Variants in EYS observed in about 807,000 individuals in gnomAD.
EYS encodes the protein protein eyes shut homolog.
EYS carries 250 observed loss-of-function variants against 282.1 expected under a neutral mutation model. That is an observed-to-expected ratio of 0.89 (90% CI 0.80 to 0.98). EYS has a LOEUF of 0.98. EYS is among the 50% of genes least tolerant of loss of function. The probability of loss-of-function intolerance (pLI) is 0.00; values close to 1 mark genes in which losing one functional copy is unlikely to be tolerated. For synonymous variants in EYS, 1,355 were observed against 1,282.9 expected (o/e 1.06, Z -1.20); for missense variants, 4,016 against 3,709.0 (o/e 1.08, Z -2.15).
intron 13 of EYS, among the ~76,000 whole-genome samples, chr6:65,048,286 A>T (rs894120112): frequency 2.0e-5 from 3 of 151,882 alleles, no homozygotes; most frequent in African/African-American, 7.2e-5. Context: ...CAAATATATC[A>T]TCATCAATGA....
In EYS at chr6:63,721,063, T is replaced by C. The variant is rs1010350165; in HGVS notation, c.8968A>G (p.Lys2990Glu). Residue 2990 changes from lysine to glutamate, a missense_variant, in exon 43 of 43, where the codon AAA becomes GAA. Coordinates refer to ENST00000503581, the MANE Select transcript of EYS (RefSeq NM_001142800.2). The part of the protein sequence containing the change: ...TTISLNFSTT[K>E]TEGLIVWMGI... Reference sequence around the variant, plus strand: ...ATCCATACAATTAGACCTTCTGTTTTAGTGGTACTGAAATTTAAGGATATA... The same window carrying C: ...ATCCATACAATTAGACCTTCTGTTTCAGTGGTACTGAAATTTAAGGATATA... 3.2e-6 allele frequency: 5 copies of C among 1,551,232 alleles called. No individual in the cohort carries two copies. The African/African-American group carries it at 6.8e-5, about 21-fold the overall frequency.
chr6:63,946,583 C>T (rs1765403465), intron 35 of EYS, among the ~76,000 whole-genome samples: 1 of 152,002 alleles, frequency 6.6e-6, no homozygotes, highest in Non-Finnish European at 1.5e-5. Flanking sequence ...GTTGACAGAT[C>T]AAGTAAGGTG....
intron 35 of EYS, among the ~76,000 whole-genome samples, chr6:63,898,838 A>G (rs1188482598): frequency 1.3e-5 from 2 of 152,210 alleles, no homozygotes; most frequent in Admixed American, 6.5e-5. Flanking sequence ...GTATATATTG[A>G]TGGAATCATT....
intron 4 of EYS, among the ~76,000 whole-genome samples, chr6:65,494,047 T>C (rs1008189965): frequency 4.6e-5 from 7 of 152,264 alleles, no homozygotes; most frequent in African/African-American, 1.7e-4. Context: ...TATATTATTC[T>C]GATAATCTTA....
In EYS at chr6:64,590,605, C is replaced by A; in HGVS notation, c.5262G>T (p.Pro1754=). ...LDFELNLQIY[P]DVTLKTYSEI... ...CTGAATATGTCTTTAAAGTAACATC[C>A]GGATAAATTTGTAAGTTTAACTCAA... The change falls in exon 26 of 43, where the codon CCG becomes CCT. Residue 1754 remains proline, a synonymous_variant. Coordinates refer to ENST00000503581, the MANE Select transcript of EYS (RefSeq NM_001142800.2). The A allele has an allele frequency of 6.4e-7, 1 of 1,551,204 alleles. No homozygotes were observed. Among genetic ancestry groups the A allele is most frequent in the Non-Finnish European group, 8.7e-7 (1 of 1,146,724 alleles).
intron 33 of EYS, among the ~76,000 whole-genome samples, chr6:64,008,529 C>A (rs1489261341): frequency 1.3e-5 from 2 of 152,080 alleles, no homozygotes; most frequent in Non-Finnish European, 2.9e-5. Flanking sequence ...GATTATCATG[C>A]AGACTTGATT....
At chr6:64,706,952 C>T (rs989441649) in intron 22 of EYS, among the ~76,000 whole-genome samples, 3 of 152,056 alleles carry the variant, frequency 2.0e-5, no homozygotes, top group Non-Finnish European at 4.4e-5. Context: ...GATTCAGCAA[C>T]CCCACTGCTG....
At chr6:64,408,401 C>T (rs2150441709) in intron 28 of EYS, among the ~76,000 whole-genome samples, 1 of 152,234 alleles carries the variant, frequency 6.6e-6, no homozygotes, top group Non-Finnish European at 1.5e-5. Flanking sequence ...CTAAGAACAA[C>T]ATGAAGGACA....
At chr6:65,114,822 C>T (rs1775321102) in intron 12 of EYS, among the ~76,000 whole-genome samples, 2 of 152,052 alleles carry the variant, frequency 1.3e-5, no homozygotes, top group African/African-American at 2.4e-5. Flanking sequence ...CTGAATACTC[C>T]TATGTACTTT....
chr6:65,688,793 T>C (rs1298045930), intron 1 of EYS, among the ~76,000 whole-genome samples: 1 of 151,280 alleles, frequency 6.6e-6, no homozygotes, highest in Non-Finnish European at 1.5e-5. Flanking sequence ...TCACTGGCCA[T>C]CAGAGAAATG....
intron 24 of EYS, among the ~76,000 whole-genome samples, chr6:64,597,619 T>C (rs1033379648): frequency 2.0e-5 from 3 of 151,076 alleles, no homozygotes; most frequent in Admixed American, 6.6e-5. Context: ...GAAAGACAAA[T>C]ACCCACATGT....
At chr6:64,604,677 T>C (rs1766867984) in intron 24 of EYS, among the ~76,000 whole-genome samples, 1 of 152,088 alleles carries the variant, frequency 6.6e-6, no homozygotes, top group South Asian at 2.1e-4. Context: ...CACAAGTTCA[T>C]TGATTTGCTG....
intron 22 of EYS, among the ~76,000 whole-genome samples, chr6:64,636,856 C>T (rs1230339821): frequency 7.1e-6 from 1 of 140,406 alleles, no homozygotes; most frequent in Admixed American, 7.4e-5. Context: ...TCATCACTGG[C>T]CATCAGAGAA....
At chr6:64,138,088 C>T (rs1013984193) in intron 31 of EYS, among the ~76,000 whole-genome samples, 1 of 152,084 alleles carries the variant, frequency 6.6e-6, no homozygotes, top group Non-Finnish European at 1.5e-5. Flanking sequence ...AAGAAAAAGG[C>T]TAGCGAGTGT....
At chr6:63,902,531 A>G (rs1006196111) in intron 35 of EYS, among the ~76,000 whole-genome samples, 6 of 152,256 alleles carry the variant, frequency 3.9e-5, no homozygotes, top group African/African-American at 1.2e-4. Context: ...AGTAATTATA[A>G]CATTGTATTT....
At chr6:65,231,454 G>T (rs1766781124) in intron 12 of EYS, among the ~76,000 whole-genome samples, 1 of 151,508 alleles carries the variant, frequency 6.6e-6, no homozygotes, top group East Asian at 1.9e-4. Context: ...AGAGAGGATT[G>T]GGGAGAGACT....
At position 65,344,068 on chromosome 6, in the gene EYS, T is replaced by G; in HGVS notation, c.1569A>C (p.Ser523=). The part of the protein sequence containing the change: ...YVNDPEDNNS[S]CWFPHEGTKE... ...TTGTGCCTTCATGTGGGAACCAACA[T>G]GAAGAATTATTATCTTCAGGATCGT... Residue 523 remains serine (S), a synonymous_variant, in exon 10 of 43, where the codon TCA becomes TCC. Transcript: ENST00000503581. The G allele has an allele frequency of 6.2e-7, 1 of 1,610,954 alleles. No individual in the cohort carries two copies. Among genetic ancestry groups the G allele is most frequent in the South Asian group, 1.1e-5 (1 of 91,012 alleles).
chr6:65,080,680 A>ACCG (rs1352481934), intron 12 of EYS, among the ~76,000 whole-genome samples: 1 of 152,076 alleles, frequency 6.6e-6, no homozygotes, highest in Non-Finnish European at 1.5e-5. Flanking sequence ...TATGATTTTT[A>ACCG]CCAAAATGAG....
chr6:64,294,642 G>A (rs1392604678), intron 30 of EYS, among the ~76,000 whole-genome samples: 1 of 152,058 alleles, frequency 6.6e-6, no homozygotes, highest in Non-Finnish European at 1.5e-5. Flanking sequence ...GTGTCATCTG[G>A]GGGTTATTTA....
Sources: allele counts gnomAD v4.1 joint callset (sites outside exome capture counted in the v4.1 genomes callset), GRCh38; gene constraint gnomAD v4.1.1; transcripts MANE v1.5; gene names NCBI Gene and HGNC (gene_info 2026-07-23, HGNC 2026-07-21).